The following LIPC variants were observed in gnomAD, a reference collection of about 807,000 sequenced individuals.
The protein encoded by LIPC is lipase C, hepatic type, also known as hepatic triacylglycerol lipase.
A neutral mutation model predicts 50.7 loss-of-function variants in LIPC; 44 were observed. The observed-to-expected ratio is 0.87, with a 90% confidence interval of 0.68 to 1.11. LIPC has a LOEUF of 1.11. Ranked by LOEUF, LIPC falls within the 50% of genes most tolerant of loss-of-function variation. LIPC has a pLI of 0.00. For missense variants in LIPC, 697 were observed against 648.2 expected (o/e 1.08, Z -0.82); for synonymous variants, 271 against 256.4 (o/e 1.06, Z -0.54).
chr15:58,490,290 A>C (rs888723535), intron 1 of LIPC, among the ~76,000 whole-genome samples: 10 of 152,176 alleles, frequency 6.6e-5, no homozygotes, highest in Admixed American at 6.5e-4. Flanking sequence ...ACTTCTTCTA[A>C]GAGCCGGTCA....
At chr15:58,493,641 ATT>A (rs1479659929) in intron 1 of LIPC, among the ~76,000 whole-genome samples, 159 of 146,364 alleles carry the variant, frequency 1.1e-3, no homozygotes, top group African/African-American at 3.7e-3. Flanking sequence ...TTTATACAAA[ATT>A]TATTACGTAT....
chr15:58,486,015 G>T (rs1204830490), intron 1 of LIPC, among the ~76,000 whole-genome samples: 1 of 152,204 alleles, frequency 6.6e-6, no homozygotes, highest in Non-Finnish European at 1.5e-5. Flanking sequence ...GGGTCTCCCT[G>T]TTCTTCCTAG....
chr15:58,447,393 A>C (rs1437199615), intron 1 of LIPC, among the ~76,000 whole-genome samples: 1 of 152,082 alleles, frequency 6.6e-6, no homozygotes, highest in African/African-American at 2.4e-5. Flanking sequence ...TCCAGACCAC[A>C]AGTCTTCTCT....
intron 1 of LIPC, among the ~76,000 whole-genome samples, chr15:58,448,837 C>T (rs536620714): frequency 9.9e-5 from 15 of 152,240 alleles, no homozygotes; most frequent in African/African-American, 4.8e-5. Context: ...AGTAACTAAA[C>T]GGTAACTAAA....
intron 1 of LIPC, among the ~76,000 whole-genome samples, chr15:58,468,913 C>T (rs1894675675): frequency 6.6e-6 from 1 of 152,212 alleles, no homozygotes; most frequent in Non-Finnish European, 1.5e-5. Context: ...GGTCAAGCCT[C>T]CACCTCATGC....
At chr15:58,487,735 A>G (rs1466909575) in intron 1 of LIPC, among the ~76,000 whole-genome samples, 1 of 152,062 alleles carries the variant, frequency 6.6e-6, no homozygotes, top group Non-Finnish European at 1.5e-5. Flanking sequence ...CCCCATCCCC[A>G]CCCCTGGCAC....
chr15:58,515,799 G>A (rs371299991), intron 1 of LIPC, among the ~76,000 whole-genome samples: 18 of 152,130 alleles, frequency 1.2e-4, no homozygotes, highest in East Asian at 5.8e-4. Context: ...GGTCAAGGGT[G>A]CCTAAAGTTC....
rs182593623 is a variant in LIPC, at chr15:58,503,355, G to T, written c.89-34978G>T. Among the ~76,000 whole-genome samples, 10 of 152,258 alleles carry T rather than the reference G, an allele frequency of 6.6e-5. No individual in the cohort carries two copies. In the East Asian group the frequency reaches 1.9e-3, roughly 29 times the overall value. On this transcript the variant is annotated intron_variant, in intron 1 of 8. Transcript: ENST00000299022. ...TTCAGAGGCTGGAGAAGGAGTGGAG[G>T]GGGCAGAGTCCAAGGTAGGACACTA... is the stretch of plus-strand genomic sequence containing the variant.
At chr15:58,444,740 A>C (rs752964386) in intron 1 of LIPC, among the ~76,000 whole-genome samples, 2 of 152,218 alleles carry the variant, frequency 1.3e-5, no homozygotes, top group Non-Finnish European at 2.9e-5. Flanking sequence ...TGGCTCCAAA[A>C]GCAGTCACAT....
At chr15:58,549,250 T>C (rs1893659447) in intron 6 of LIPC, among the ~76,000 whole-genome samples, 1 of 152,216 alleles carries the variant, frequency 6.6e-6, no homozygotes, top group Non-Finnish European at 1.5e-5. Flanking sequence ...CCGACATCTG[T>C]TGCCATTAAC....
At chr15:58,564,863 G>A (rs1357630403) in intron 8 of LIPC, among the ~76,000 whole-genome samples, 4 of 152,104 alleles carry the variant, frequency 2.6e-5, no homozygotes, top group African/African-American at 4.8e-5. Context: ...GGTTCTCCAC[G>A]GCAGAATTCC....
At chr15:58,564,299 T>C (rs1427773235) in intron 8 of LIPC, among the ~76,000 whole-genome samples, 2 of 151,968 alleles carry the variant, frequency 1.3e-5, no homozygotes, top group East Asian at 1.9e-4. Flanking sequence ...ATGCCTGTTG[T>C]TGAATCAGAG....
intron 8 of LIPC, chr15:58,565,318 G>C (rs1186333436): frequency 6.5e-7 from 1 of 1,534,904 alleles, no homozygotes; most frequent in African/African-American, 1.4e-5. Flanking sequence ...TAGCTGGAGA[G>C]TAATTCCTCA....
At chr15:58,501,033 A>T (rs1183762075) in intron 1 of LIPC, among the ~76,000 whole-genome samples, 1 of 151,998 alleles carries the variant, frequency 6.6e-6, no homozygotes, top group Non-Finnish European at 1.5e-5. Context: ...CCTCATGGGC[A>T]TCACTGAGAA....
intron 1 of LIPC, among the ~76,000 whole-genome samples, chr15:58,523,535 G>A (rs1206563611): frequency 2.2e-4 from 33 of 148,874 alleles, no homozygotes; most frequent in Admixed American, 2.2e-3. Context: ...GGGCATGAAG[G>A]GGCTGCAGGG....
chr15:58,556,395 C>CT (rs1330281205), intron 6 of LIPC, among the ~76,000 whole-genome samples: 2 of 152,062 alleles, frequency 1.3e-5, no homozygotes, highest in African/African-American at 2.4e-5. Context: ...TTCTAGTTCT[C>CT]TTTTTTTTCC....
intron 1 of LIPC, among the ~76,000 whole-genome samples, chr15:58,511,938 A>G (rs763032311): frequency 2.6e-5 from 4 of 152,206 alleles, no homozygotes; most frequent in Admixed American, 1.3e-4. Flanking sequence ...TAAATTATAT[A>G]TATACACACA....
At chr15:58,511,371 T>G (rs1434711571) in intron 1 of LIPC, among the ~76,000 whole-genome samples, 1 of 152,194 alleles carries the variant, frequency 6.6e-6, no homozygotes. Flanking sequence ...CGCAAGGAGA[T>G]GCAGGCAATA....
chr15:58,546,976 C>T (rs1182796428), intron 5 of LIPC, among the ~76,000 whole-genome samples: 1 of 151,672 alleles, frequency 6.6e-6, no homozygotes, highest in Non-Finnish European at 1.5e-5. Context: ...CTCCAGCCAC[C>T]AGCAGTTCCC....
Sources: allele counts gnomAD v4.1 joint callset (sites outside exome capture counted in the v4.1 genomes callset), GRCh38; gene constraint gnomAD v4.1.1; transcripts MANE v1.5; gene names NCBI Gene and HGNC (gene_info 2026-07-23, HGNC 2026-07-21).